Variants in MYO3B observed in about 807,000 individuals in gnomAD.
MYO3B encodes myosin-IIIb.
In MYO3B, 156 loss-of-function variants were observed where a neutral mutation model predicts 174.6. The observed-to-expected ratio is 0.89, with a 90% CI of 0.78 to 1.02. The LOEUF (loss-of-function observed/expected upper bound fraction) is 1.02, where lower values mean the gene tolerates loss of function less well. MYO3B is among the 50% of genes least tolerant of loss of function. MYO3B has a pLI of 0.00. For missense variants in MYO3B, 1,632 were observed against 1,639.4 expected, an observed-to-expected ratio of 1.00 and a Z score of 0.08; for synonymous variants, 563 against 569.1, an observed-to-expected ratio of 0.99 and a Z score of 0.15.
chr2:170,494,838 T>C (rs1195566958), intron 25 of MYO3B, among the ~76,000 whole-genome samples: 1 of 151,974 alleles, frequency 6.6e-6, no homozygotes, highest in Non-Finnish European at 1.5e-5. Context: ...TTTTCCAAGA[T>C]AGAATTTGTA....
At chr2:170,262,151 C>CTTG (rs1275871998) in intron 7 of MYO3B, among the ~76,000 whole-genome samples, 1 of 152,158 alleles carries the variant, frequency 6.6e-6, no homozygotes, top group African/African-American at 2.4e-5. Context: ...CCAGGGAGGC[C>CTTG]TTGTACCTCA....
chr2:170,339,842 C>T (rs888043452), intron 8 of MYO3B, among the ~76,000 whole-genome samples: 2 of 152,158 alleles, frequency 1.3e-5, no homozygotes, highest in Admixed American at 6.5e-5. Flanking sequence ...ATGCAATGCT[C>T]ACATAAATTC....
chr2:170,607,419 A>C (rs953377225), intron 32 of MYO3B, among the ~76,000 whole-genome samples: 3 of 152,228 alleles, frequency 2.0e-5, no homozygotes, highest in Admixed American at 6.5e-5. Context: ...CTGATATAGC[A>C]GTTTTCATCT....
intron 25 of MYO3B, among the ~76,000 whole-genome samples, chr2:170,473,601 A>G (rs1304295397): frequency 1.3e-5 from 2 of 152,196 alleles, no homozygotes; most frequent in Non-Finnish European, 2.9e-5. Context: ...GATTTCAGGT[A>G]AGTCATAGTA....
intron 7 of MYO3B, among the ~76,000 whole-genome samples, chr2:170,323,493 C>A (rs1182429885): frequency 1.3e-5 from 2 of 152,160 alleles, no homozygotes; most frequent in East Asian, 3.8e-4. Context: ...ATATAAAATG[C>A]TCTAGCAGAA....
chr2:170,456,888 A>T (rs1683938318), intron 23 of MYO3B, among the ~76,000 whole-genome samples: 1 of 152,222 alleles, frequency 6.6e-6, no homozygotes, highest in Non-Finnish European at 1.5e-5. Context: ...TCGTTCATTC[A>T]TAGAGTGTGC....
At chr2:170,294,465 AT>A (rs2093616124) in intron 7 of MYO3B, among the ~76,000 whole-genome samples, 1 of 151,942 alleles carries the variant, frequency 6.6e-6, no homozygotes, top group Non-Finnish European at 1.5e-5. Context: ...AGCTTGCTAT[AT>A]TTTTGAAGAT....
At chr2:170,554,764 A>G (rs1454798383) in intron 32 of MYO3B, among the ~76,000 whole-genome samples, 1 of 152,196 alleles carries the variant, frequency 6.6e-6, no homozygotes, top group Non-Finnish European at 1.5e-5. Flanking sequence ...TTGGCCCAGG[A>G]CATCAGGAGT....
intron 30 of MYO3B, among the ~76,000 whole-genome samples, chr2:170,522,168 T>G (rs993515727): frequency 6.6e-6 from 1 of 152,200 alleles, no homozygotes. Context: ...CTCTCACCAG[T>G]GTGTTCTGGT....
chr2:170,329,160 A>T (rs1251894743), intron 7 of MYO3B, among the ~76,000 whole-genome samples: 1 of 151,944 alleles, frequency 6.6e-6, no homozygotes, highest in Non-Finnish European at 1.5e-5. Flanking sequence ...TCCAAAAAAA[A>T]AAATACTACT....
At chr2:170,382,190 A>T (rs1165539966) in intron 10 of MYO3B, 78 bp downstream of exon 10, 2 of 1,177,416 alleles carry the variant, frequency 1.7e-6, no homozygotes, top group Admixed American at 1.7e-5. Context: ...GTTGTAGACC[A>T]TGTCCTCCTA....
intron 20 of MYO3B, 76 bp from the exon 21 acceptor site, chr2:170,405,469 T>C (rs2094503725): frequency 1.4e-6 from 2 of 1,396,688 alleles, no homozygotes; most frequent in South Asian, 2.4e-5. Flanking sequence ...GAGTCATTCA[T>C]GGCTTGAGGA....
intron 32 of MYO3B, among the ~76,000 whole-genome samples, chr2:170,563,012 C>T (rs893266307): frequency 1.4e-5 from 2 of 144,208 alleles, no homozygotes; most frequent in East Asian, 2.0e-4. Context: ...CTGAACACTA[C>T]AAAGTTGTAA....
rs759727109 is a variant in MYO3B, at chr2:170,542,955, C to T, written c.3625C>T (p.His1209Tyr). ...SPKGCDIFAGHANKHSVSGTD... is the reference protein window; with the variant it reads ...SPKGCDIFAGYANKHSVSGTD... Reference sequence around the variant, plus strand: ...AAAAGGGTGCGATATCTTCGCAGGACATGCAAACAAGGTAGCTGGATATCT... The same window carrying T: ...AAAAGGGTGCGATATCTTCGCAGGATATGCAAACAAGGTAGCTGGATATCT... The change falls in exon 31 of 35, where the codon CAT (histidine) becomes TAT (tyrosine). Residue 1209 changes from histidine (H) to tyrosine (Y), a missense_variant. Coordinates refer to ENST00000408978, the MANE Select transcript of MYO3B (RefSeq NM_138995.5). The T allele has an allele frequency of 5.6e-6, 9 of 1,609,504 alleles. No individual in the cohort carries two copies. Among genetic ancestry groups the T allele is most frequent in the Non-Finnish European group, 7.6e-6 (9 of 1,177,434 alleles).
intron 32 of MYO3B, among the ~76,000 whole-genome samples, chr2:170,576,147 G>A (rs1439921702): frequency 2.0e-5 from 3 of 152,146 alleles, no homozygotes; most frequent in Admixed American, 2.0e-4. Context: ...AGACAGAAAG[G>A]GGATGCAGCA....
intron 7 of MYO3B, among the ~76,000 whole-genome samples, chr2:170,297,136 T>C (rs1334598127): frequency 2.0e-5 from 3 of 152,186 alleles, no homozygotes; most frequent in African/African-American, 7.2e-5. Flanking sequence ...CAAGAAGATG[T>C]ACAATTTTTT....
At chr2:170,334,659 C>T (rs1486723834) in intron 7 of MYO3B, 1 of 152,126 alleles carries the variant, frequency 6.6e-6, no homozygotes, top group African/African-American at 2.4e-5. Context: ...AATCAGATCT[C>T]TTCGTGGTAT....
intron 17 of MYO3B, 110 bp downstream of exon 17, chr2:170,400,424 G>A (rs1300426434): frequency 1.5e-5 from 15 of 976,118 alleles, no homozygotes; most frequent in African/African-American, 2.1e-5. Context: ...TTTTTTTATC[G>A]AGATGGAGTC....
At chr2:170,196,717 C>T (rs2092604426) in intron 1 of MYO3B, among the ~76,000 whole-genome samples, 1 of 152,150 alleles carries the variant, frequency 6.6e-6, no homozygotes, top group Non-Finnish European at 1.5e-5. Context: ...ATCTAGCTAA[C>T]CCCTCTAGTG....
Sources: allele counts gnomAD v4.1 joint callset (sites outside exome capture counted in the v4.1 genomes callset), GRCh38; gene constraint gnomAD v4.1.1; transcripts MANE v1.5; gene names NCBI Gene and HGNC (gene_info 2026-07-23, HGNC 2026-07-21).